The following MDM4 variants were observed in gnomAD, a reference collection of about 807,000 sequenced individuals.
The protein encoded by MDM4 is protein Mdm4.
A neutral mutation model predicts 60.2 loss-of-function variants in MDM4; 2 were observed. That is an observed-to-expected ratio of 0.03 (90% CI 0.01 to 0.10). The LOEUF (loss-of-function observed/expected upper bound fraction) is 0.10. Among genes scored for constraint, MDM4 ranks in the 10% least tolerant of loss-of-function variants. MDM4 has a pLI of 1.00. For synonymous variants in MDM4, 202 were observed against 198.1 expected, an observed-to-expected ratio of 1.02 and a Z score of -0.17; for missense variants, 447 against 577.5, an observed-to-expected ratio of 0.77 and a Z score of 2.32.
intron 1 of MDM4, among the ~76,000 whole-genome samples, chr1:204,517,834 A>G (rs1456879164): frequency 2.0e-5 from 3 of 150,322 alleles, no homozygotes; most frequent in African/African-American, 7.3e-5. Context: ...GTTTAGATTT[A>G]GTCTTCTCTC....
intron 9 of MDM4, among the ~76,000 whole-genome samples, chr1:204,545,635 G>T (rs1420495376): frequency 6.6e-6 from 1 of 152,148 alleles, no homozygotes; most frequent in African/African-American, 2.4e-5. Context: ...TAGTTATATG[G>T]GTAGCATTAG....
At chr1:204,517,761 C>T (rs935739565) in intron 1 of MDM4, among the ~76,000 whole-genome samples, 4 of 152,058 alleles carry the variant, frequency 2.6e-5, no homozygotes, top group Non-Finnish European at 4.4e-5. Flanking sequence ...GCTGTTGGCA[C>T]GTGGAACTAG....
rs550004770 is a variant in MDM4 at position 204,526,467 on chromosome 1, G to T, written c.153+33G>T. 6.6e-3 allele frequency: 7,820 copies of T among 1,184,138 alleles called. 1 individual carries two copies. The highest frequency in any genetic ancestry group is 0.018 in the South Asian group (1,269 of 70,888). The allele number at this position is 1,184,138 out of a possible 1,614,324, so 73.4% of individuals were successfully genotyped here. On this transcript the variant is annotated intron_variant, in intron 3 of 10. Transcript: ENST00000367182. ...ATCAAATAAAATTCTCATTTTTTTT[G>T]TTTTTTTTTTTTTTGAGATGGAGTC... is the stretch of plus-strand genomic sequence containing the variant.
chr1:204,537,056 T>C, intron 5 of MDM4: 1 of 250,808 alleles, frequency 4.0e-6, no homozygotes, highest in Admixed American at 5.6e-5. Flanking sequence ...CTTTTCCTTT[T>C]GTTTGTGAGT....
chr1:204,537,994 T>C (rs745497787), intron 6 of MDM4: 1 of 756,074 alleles, frequency 1.3e-6, no homozygotes. Flanking sequence ...GTGCAGAGGT[T>C]TTTTTTCCCC....
intron 9 of MDM4, among the ~76,000 whole-genome samples, chr1:204,545,012 A>T (rs1023861454): frequency 6.6e-5 from 10 of 152,080 alleles, no homozygotes; most frequent in Admixed American, 3.9e-4. Context: ...GCCCAGAACA[A>T]CTTTGAATCA....
In MDM4 at chr1:204,538,260, A is replaced by G; in HGVS notation, c.463A>G (p.Ile155Val). The change falls in exon 7 of 11, where the codon ATC (isoleucine) becomes GTC (valine). Residue 155 changes from isoleucine to valine, a missense_variant. Ile to Val is a conservative substitution (Grantham distance 29, BLOSUM62 3). Transcript: ENST00000367182. Reference protein sequence around the residue: ...TSRKRTTEDDIPTLPTSEHKC... With the variant: ...TSRKRTTEDDVPTLPTSEHKC... ...CAGAAAAAGAACTACAGAAGACGATATCCCCACACTGCCTACCTCAGAGCA... is the reference window on the plus strand; with the variant it reads ...CAGAAAAAGAACTACAGAAGACGATGTCCCCACACTGCCTACCTCAGAGCA... The G allele has an allele frequency of 1.9e-6, 3 of 1,611,788 alleles. No homozygotes were observed. The highest frequency in any genetic ancestry group is 2.5e-6 in the Non-Finnish European group (3 of 1,177,842).
intron 7 of MDM4, among the ~76,000 whole-genome samples, chr1:204,539,435 A>G (rs541154899): frequency 2.0e-5 from 3 of 152,102 alleles, no homozygotes; most frequent in Non-Finnish European, 4.4e-5. Context: ...ATGCTCTTTT[A>G]GCAACTCATG....
chr1:204,548,507 C>G (rs1450419442), intron 10 of MDM4, among the ~76,000 whole-genome samples: 2 of 152,238 alleles, frequency 1.3e-5, no homozygotes, highest in Non-Finnish European at 2.9e-5. Context: ...TCATTGAGAT[C>G]TAGTGTCTCC....
At chr1:204,532,810 TTGG>T in intron 5 of MDM4, 1 of 1,611,714 alleles carries the variant, frequency 6.2e-7, no homozygotes. Flanking sequence ...CGCTCTAGAG[TTGG>T]CAGATTGTAT....
At chr1:204,528,413 T>C (rs1007300309) in intron 3 of MDM4, among the ~76,000 whole-genome samples, 5 of 152,140 alleles carry the variant, frequency 3.3e-5, no homozygotes, top group African/African-American at 1.2e-4. Context: ...GATTCCACTT[T>C]GGAGAAAATG....
At chr1:204,519,771 G>C (rs1452211868) in intron 1 of MDM4, among the ~76,000 whole-genome samples, 1 of 151,982 alleles carries the variant, frequency 6.6e-6, no homozygotes, top group Non-Finnish European at 1.5e-5. Flanking sequence ...CCATGATCAC[G>C]GCACTGCAGT....
In MDM4 at chr1:204,551,164, T is replaced by C; in HGVS notation, c.*1482T>C. Reference sequence around the variant, plus strand: ...TCCAAGCAATCCTCCCACCTAAGCCTCCCAAGTAGCTGGGTCTATAGGCGC... The same window carrying C: ...TCCAAGCAATCCTCCCACCTAAGCCCCCCAAGTAGCTGGGTCTATAGGCGC... On this transcript the variant is annotated 3_prime_UTR_variant, in exon 11 of 11. Transcript: ENST00000367182. The C allele has an allele frequency of 5.2e-6, 1 of 193,454 alleles. No homozygotes were observed. Among genetic ancestry groups the C allele is most frequent in the East Asian group, 8.2e-5 (1 of 12,198 alleles). The allele number at this position is 193,454 out of a possible 1,614,324, so 12.0% of individuals were successfully genotyped here.
chr1:204,530,594 T>C (rs1263837175), intron 3 of MDM4, 90 bp from the exon 4 acceptor site: 6 of 1,528,016 alleles, frequency 3.9e-6, no homozygotes, highest in Non-Finnish European at 5.4e-6. Context: ...TTTCTTTCTT[T>C]AGCAAACTAA....
rs1427398885 is a variant in MDM4, at chr1:204,553,813, A to G, written c.*4131A>G. On this transcript the variant is annotated 3_prime_UTR_variant, in exon 11 of 11. Transcript: ENST00000367182. ...TTATTTAATGCTTAAATCAAACTTT[A>G]TAAAAATCTTAGACCAGATCTTTAA... is the stretch of plus-strand genomic sequence containing the variant. 1 of 219,256 alleles carries G rather than the reference A, an allele frequency of 4.6e-6. No individual in the cohort carries two copies. Among genetic ancestry groups the G allele is most frequent in the African/African-American group, 2.2e-5 (1 of 44,610 alleles). The allele number at this position is 219,256 out of a possible 1,614,324, so 13.6% of individuals were successfully genotyped here.
chr1:204,544,720 G>GTGT, intron 9 of MDM4, 36 bp downstream of exon 9: 1 of 1,588,598 alleles, frequency 6.3e-7, no homozygotes, highest in Non-Finnish European at 8.6e-7. Flanking sequence ...GATTCTGTTT[G>GTGT]TGTGCTCATA....
In MDM4 at chr1:204,549,401, G is replaced by A. The variant is rs2102457443; in HGVS notation, c.1192G>A (p.Ala398Thr). The A allele has an allele frequency of 6.2e-7, 1 of 1,613,758 alleles. No homozygotes were observed. Among genetic ancestry groups the A allele is most frequent in the Non-Finnish European group, 8.5e-7 (1 of 1,179,956 alleles). Residue 398 changes from alanine (A) to threonine (T), a missense_variant, in exon 11 of 11, where the codon GCT (alanine) becomes ACT (threonine). Ala to Thr is a moderately conservative substitution (Grantham distance 58). Transcript: ENST00000367182. ...PCNSVEFLDLAHSSESQETIS... is the reference protein window; with the variant it reads ...PCNSVEFLDLTHSSESQETIS... Reference sequence around the variant, plus strand: ...CAACTCAGTGGAATTCTTGGATTTGGCTCACAGTTCTGAAAGCCAAGAGAC... The same window carrying A: ...CAACTCAGTGGAATTCTTGGATTTGACTCACAGTTCTGAAAGCCAAGAGAC...
intron 9 of MDM4, among the ~76,000 whole-genome samples, chr1:204,545,608 C>T (rs576094034): frequency 1.3e-5 from 2 of 152,250 alleles, no homozygotes; most frequent in African/African-American, 2.4e-5. Context: ...TCAAATGGTA[C>T]CTGGGTTCTC....
At chr1:204,531,417 C>G (rs554073538) in intron 4 of MDM4, among the ~76,000 whole-genome samples, 4 of 152,272 alleles carry the variant, frequency 2.6e-5, no homozygotes, top group Non-Finnish European at 5.9e-5. Flanking sequence ...TTACTTTTCT[C>G]CAGCTGCATG....
Sources: gnomAD v4.1 joint callset for allele counts (sites outside exome capture counted in the v4.1 genomes callset) on GRCh38, gnomAD v4.1.1 for gene constraint, MANE v1.5 for transcripts, NCBI Gene and HGNC (gene_info 2026-07-23, HGNC 2026-07-21) for gene names.